Variants in MTA3 observed in about 807,000 individuals in gnomAD.
MTA3 encodes metastasis associated 1 family member 3.
A neutral mutation model predicts 83.5 loss-of-function variants in MTA3; 34 were observed. The observed-to-expected ratio is 0.41, with a 90% confidence interval of 0.31 to 0.54. The LOEUF is 0.54. Ranked by LOEUF, MTA3 falls within the 20% of genes least tolerant of loss-of-function variation. The probability of loss-of-function intolerance (pLI) is 0.33; values close to 1 mark genes in which losing one functional copy is unlikely to be tolerated. For synonymous variants in MTA3, 303 were observed against 252.7 expected, an observed-to-expected ratio of 1.20 and a Z score of -1.89; for missense variants, 761 against 726.4, an observed-to-expected ratio of 1.05 and a Z score of -0.55.
chr2:42,731,326 G>T (rs1468268638), intron 16 of MTA3, among the ~76,000 whole-genome samples: 2 of 152,036 alleles, frequency 1.3e-5, no homozygotes, highest in Non-Finnish European at 2.9e-5. Context: ...TTTTGATGTA[G>T]GCTTGTATTA....
chr2:42,578,477 A>G (rs766927026), intron 2 of MTA3, among the ~76,000 whole-genome samples: 5 of 152,192 alleles, frequency 3.3e-5, no homozygotes, highest in Non-Finnish European at 7.3e-5. Context: ...TTTAGATGTG[A>G]AGGTAAACTA....
chr2:42,753,172 A>T (rs1670009414), intron 16 of MTA3, among the ~76,000 whole-genome samples: 1 of 151,828 alleles, frequency 6.6e-6, no homozygotes, highest in African/African-American at 2.4e-5. Flanking sequence ...CAAGCCATCC[A>T]CCGGCCTTGG....
At chr2:42,583,134 T>C (rs953488176) in intron 3 of MTA3, among the ~76,000 whole-genome samples, 6 of 152,204 alleles carry the variant, frequency 3.9e-5, no homozygotes, top group Non-Finnish European at 7.3e-5. Context: ...AAGGAACAAC[T>C]CATAATGGGT....
intron 2 of MTA3, among the ~76,000 whole-genome samples, chr2:42,498,830 G>T (rs1339099671): frequency 6.6e-6 from 1 of 152,190 alleles, no homozygotes; most frequent in African/African-American, 2.4e-5. Flanking sequence ...TTTTTAGGGA[G>T]TTTAGCCACA....
intron 2 of MTA3, among the ~76,000 whole-genome samples, chr2:42,527,052 CAAAAAAAAAAAA>C (rs34030475): frequency 1.5e-4 from 7 of 45,324 alleles, no homozygotes; most frequent in Admixed American, 2.9e-4. Flanking sequence ...GACTCTGTCT[CAAAAAAAAAAAA>C]AAAAAAAAAA....
intron 11 of MTA3, among the ~76,000 whole-genome samples, chr2:42,699,153 CAAG>C: frequency 6.6e-6 from 1 of 152,182 alleles, no homozygotes; most frequent in African/African-American, 2.4e-5. Flanking sequence ...ACTATAGTCG[CAAG>C]CCAAATCTGA....
intron 16 of MTA3, among the ~76,000 whole-genome samples, chr2:42,739,714 T>G (rs1668883950): frequency 6.6e-6 from 1 of 152,180 alleles, no homozygotes; most frequent in Non-Finnish European, 1.5e-5. Context: ...AAAATTAGAG[T>G]CAATCCTCTC....
chr2:42,547,724 G>T (rs1164702702), intron 2 of MTA3, among the ~76,000 whole-genome samples: 1 of 152,216 alleles, frequency 6.6e-6, no homozygotes, highest in Admixed American at 6.6e-5. Context: ...TCCTAAATTA[G>T]GTTTTCAATC....
intron 2 of MTA3, among the ~76,000 whole-genome samples, chr2:42,530,613 CT>C (rs924108224): frequency 6.6e-6 from 1 of 151,468 alleles, no homozygotes; most frequent in Non-Finnish European, 1.5e-5. Context: ...GAGAAACCCC[CT>C]CTCTACTAAA....
At chr2:42,507,326 C>T (rs945069478) in intron 2 of MTA3, among the ~76,000 whole-genome samples, 1 of 152,020 alleles carries the variant, frequency 6.6e-6, no homozygotes, top group African/African-American at 2.4e-5. Context: ...CATGCATGAC[C>T]ACACCCAGCT....
chr2:42,716,338 T>G (rs1462488560), intron 14 of MTA3, among the ~76,000 whole-genome samples: 2 of 152,218 alleles, frequency 1.3e-5, no homozygotes, highest in African/African-American at 2.4e-5. Flanking sequence ...ATTTTTTAAC[T>G]TTTAAAAAAG....
At chr2:42,753,038 C>G (rs145939781) in intron 16 of MTA3, among the ~76,000 whole-genome samples, 95 of 152,270 alleles carry the variant, frequency 6.2e-4, no homozygotes, top group African/African-American at 1.9e-3. Context: ...AGTCCTCCCC[C>G]CTCAGCCTCC....
intron 2 of MTA3, among the ~76,000 whole-genome samples, chr2:42,519,444 A>C (rs1246942725): frequency 1.3e-5 from 2 of 151,998 alleles, no homozygotes; most frequent in African/African-American, 4.8e-5. Flanking sequence ...CCTCTCTACC[A>C]AAAATACAAA....
At position 42,656,259 on chromosome 2, in the gene MTA3, C is replaced by G. The variant is rs375803985; in HGVS notation, c.559C>G (p.Pro187Ala). Residue 187 changes from proline (P) to alanine (A), a missense_variant, in exon 7 of 17, where the codon CCA becomes GCA. Transcript: ENST00000405094. ...LEVKVWDPNS[P>A]LTDRQIDQFL... Reference sequence around the variant, plus strand: ...AGTTAAAGTTTGGGATCCAAATAGCCCACTTACGGATCGACAGATTGACCA... The same window carrying G: ...AGTTAAAGTTTGGGATCCAAATAGCGCACTTACGGATCGACAGATTGACCA... The G allele has an allele frequency of 5.6e-6, 9 of 1,613,572 alleles. No individual in the cohort carries two copies. The highest frequency in any genetic ancestry group is 7.6e-6 in the Non-Finnish European group (9 of 1,179,698).
chr2:42,580,466 G>A (rs540986748), intron 3 of MTA3, among the ~76,000 whole-genome samples: 1 of 152,120 alleles, frequency 6.6e-6, no homozygotes, highest in East Asian at 1.9e-4. Flanking sequence ...CCGCCTTCTG[G>A]GTTCAGGCGA....
At chr2:42,628,885 T>G (rs1686395666) in intron 4 of MTA3, among the ~76,000 whole-genome samples, 1 of 152,086 alleles carries the variant, frequency 6.6e-6, no homozygotes, top group Non-Finnish European at 1.5e-5. Context: ...TAAAAATATT[T>G]TATGTGTAAG....
At chr2:42,561,032 T>C (rs1217779293) in intron 2 of MTA3, among the ~76,000 whole-genome samples, 1 of 152,214 alleles carries the variant, frequency 6.6e-6, no homozygotes, top group Non-Finnish European at 1.5e-5. Context: ...TATGGGATCC[T>C]GACCCTATTC....
chr2:42,640,185 T>C lies in MTA3; in HGVS notation c.330T>C (p.Ser110=), dbSNP rs1687583271. 4 of 1,606,964 alleles carry C rather than the reference T, an allele frequency of 2.5e-6. No homozygotes were observed. The highest frequency in any genetic ancestry group is 3.4e-6 in the Non-Finnish European group (4 of 1,177,376). The part of the protein sequence containing the change: ...LPATHIRGKC[S]VALLNETESV... ...TCTTTTTCAACAGGGGAAAGTGCAG[T>C]GTTGCCCTTCTGAATGAGACAGAAT... The change falls in exon 5 of 17, where the codon AGT becomes AGC. Residue 110 remains serine, a synonymous_variant. Coordinates refer to ENST00000405094, the MANE Select transcript of MTA3 (RefSeq NM_001330442.2).
At chr2:42,519,412 C>T (rs977544572) in intron 2 of MTA3, among the ~76,000 whole-genome samples, 1 of 152,060 alleles carries the variant, frequency 6.6e-6, no homozygotes, top group African/African-American at 2.4e-5. Flanking sequence ...TCAAGACCAG[C>T]CTGGCCAACA....
Sources: gnomAD v4.1 joint callset for allele counts (sites outside exome capture counted in the v4.1 genomes callset) on GRCh38, gnomAD v4.1.1 for gene constraint, MANE v1.5 for transcripts, NCBI Gene and HGNC (gene_info 2026-07-23, HGNC 2026-07-21) for gene names.